Variants in KIRREL3 observed in about 807,000 individuals in gnomAD.
KIRREL3 encodes kin of IRRE-like protein 3.
A neutral mutation model predicts 89.7 loss-of-function variants in KIRREL3; 36 were observed. The ratio of observed to expected loss-of-function variants is 0.40; its 90% CI spans 0.31 to 0.53. The LOEUF (loss-of-function observed/expected upper bound fraction) is 0.53, where lower values mean the gene tolerates loss of function less well. KIRREL3 is among the 20% of genes least tolerant of loss of function. The pLI, the probability that KIRREL3 is intolerant of heterozygous loss-of-function variation, is 0.49. For missense variants in KIRREL3, 864 were observed against 1,056.6 expected, an observed-to-expected ratio of 0.82 and a Z score of 2.53; for synonymous variants, 445 against 441.4, an observed-to-expected ratio of 1.01 and a Z score of -0.10.
chr11:126,838,969 G>T (rs1943867644), intron 1 of KIRREL3, among the ~76,000 whole-genome samples: 1 of 152,160 alleles, frequency 6.6e-6, no homozygotes, highest in South Asian at 2.1e-4. Context: ...TGCTGTGGCT[G>T]GAGAGACCTG....
At chr11:126,680,606 C>T (rs1031498047) in intron 1 of KIRREL3, among the ~76,000 whole-genome samples, 3 of 152,018 alleles carry the variant, frequency 2.0e-5, no homozygotes, top group African/African-American at 4.8e-5. Flanking sequence ...GTTTAAACAT[C>T]CCATGAAGAT....
chr11:126,937,854 G>T (rs1315608304), intron 1 of KIRREL3, among the ~76,000 whole-genome samples: 2 of 152,166 alleles, frequency 1.3e-5, no homozygotes, highest in African/African-American at 4.8e-5. Context: ...AGCAGGAATT[G>T]CACCACTGCA....
At chr11:126,979,825 G>C (rs545495119) in intron 1 of KIRREL3, among the ~76,000 whole-genome samples, 3 of 152,206 alleles carry the variant, frequency 2.0e-5, no homozygotes, top group Non-Finnish European at 4.4e-5. Context: ...GAGGGTGCAA[G>C]GGCTGGACCA....
intron 4 of KIRREL3, among the ~76,000 whole-genome samples, chr11:126,507,038 AAAG>A (rs1369080660): frequency 1.3e-5 from 2 of 152,258 alleles, no homozygotes; most frequent in African/African-American, 4.8e-5. Flanking sequence ...TCAGCAATAA[AAAG>A]AAGTGAACTA....
chr11:126,942,941 T>G (rs1200568529), intron 1 of KIRREL3, among the ~76,000 whole-genome samples: 1 of 152,200 alleles, frequency 6.6e-6, no homozygotes. Context: ...CTCGTTAACA[T>G]GCAGGCAGTA....
At chr11:126,658,154 C>T (rs996728713) in intron 1 of KIRREL3, among the ~76,000 whole-genome samples, 6 of 152,120 alleles carry the variant, frequency 3.9e-5, no homozygotes, top group Non-Finnish European at 8.8e-5. Context: ...AGTGGTAATG[C>T]TTGGAATAAC....
intron 16 of KIRREL3, 55 bp from the exon 17 acceptor site, chr11:126,425,078 G>C: frequency 3.5e-6 from 5 of 1,436,438 alleles, no homozygotes; most frequent in Middle Eastern, 1.8e-4. Context: ...ACTGAGCGTG[G>C]CTGGGGTTTC....
chr11:126,453,566 C>T (rs963033459), intron 7 of KIRREL3, among the ~76,000 whole-genome samples: 1 of 152,208 alleles, frequency 6.6e-6, no homozygotes, highest in Non-Finnish European at 1.5e-5. Flanking sequence ...GGCTTTTCTT[C>T]TTGGATCCCA....
At chr11:126,707,329 A>T (rs1332984718) in intron 1 of KIRREL3, among the ~76,000 whole-genome samples, 1 of 124,618 alleles carries the variant, frequency 8.0e-6, no homozygotes, top group East Asian at 2.3e-4. Flanking sequence ...GTCTGATTTT[A>T]TGGTTTCGTC....
In KIRREL3 at chr11:126,581,420, A is replaced by G. The variant is rs947010210; in HGVS notation, c.56-18508T>C. 4.6e-5 allele frequency among the ~76,000 whole-genome samples: 7 copies of G among 152,200 alleles called. No individual in the cohort carries two copies. The East Asian group carries it at 1.4e-3, about 29-fold the overall frequency. ...TTTCACCTTGTTGACCAGGCTGGTC[A>G]TAAACTCCTGACCTCAGGTGATCTG... On this transcript the variant is annotated intron_variant, in intron 1 of 16. Coordinates refer to ENST00000525144, the MANE Select transcript of KIRREL3 (RefSeq NM_032531.4).
chr11:126,473,510 C>T (rs756541281), intron 4 of KIRREL3, 44 bp from the exon 5 acceptor site: 24 of 1,479,744 alleles, frequency 1.6e-5, no homozygotes, highest in South Asian at 6.9e-5. Context: ...GCTCCCACCT[C>T]GGGCAGGACG....
At position 126,477,129 on chromosome 11, in the gene KIRREL3, C is replaced by T. The variant is rs996042148; in HGVS notation, c.434-3663G>A. ...GAAGCCAGCCTAAGAGGCCACAGCGCGGCCTTAGCCGGGGGTGGCTGAGCG... is the reference window on the plus strand; with the variant it reads ...GAAGCCAGCCTAAGAGGCCACAGCGTGGCCTTAGCCGGGGGTGGCTGAGCG... On this transcript the variant is annotated intron_variant, in intron 4 of 16. Transcript: ENST00000525144. This position sits in a 1 kb window ranked among gnomAD's most constrained non-coding sequence, Gnocchi z 4.8. Among the ~76,000 whole-genome samples the T allele has an allele frequency of 3.9e-5, 6 of 152,228 alleles. No homozygotes were observed. The highest frequency in any genetic ancestry group is 9.6e-5 in the African/African-American group (4 of 41,468).
chr11:126,554,652 C>A (rs1939563974), intron 2 of KIRREL3, among the ~76,000 whole-genome samples: 1 of 152,188 alleles, frequency 6.6e-6, no homozygotes, highest in Non-Finnish European at 1.5e-5. Flanking sequence ...CTCCTGGGAT[C>A]TAATGGAGAC....
rs141483298 is a variant in KIRREL3, at chr11:126,498,651, T to C, written c.433+22664A>G. ...GGAAGGGGCCCGTGACCTGGCACCC[T>C]GTGACGACAAGCAGAGGAGACTCAG... On this transcript the variant is annotated intron_variant, in intron 4 of 16. Transcript: ENST00000525144. The surrounding 1 kb of genome is among the most constrained non-coding windows in gnomAD (Gnocchi z 4.3). Among the ~76,000 whole-genome samples, 35 of 152,290 alleles carry C rather than the reference T, an allele frequency of 2.3e-4. 1 individual carries two copies. In the East Asian group the frequency reaches 6.2e-3, roughly 27 times the overall value.
Position 126,641,140 on chromosome 11 carries a change from T to C in KIRREL3, c.56-78228A>G, listed in dbSNP as rs1663728990. On this transcript the variant is annotated intron_variant, in intron 1 of 16. Coordinates refer to ENST00000525144, the MANE Select transcript of KIRREL3 (RefSeq NM_032531.4). This position sits in a 1 kb window ranked among gnomAD's most constrained non-coding sequence, Gnocchi z 5.0. ...TCAGTGGCAATTTTATCCTTCCAGTTACTCAGACCAGGAAACTTGAAGTGA... is the reference window on the plus strand; with the variant it reads ...TCAGTGGCAATTTTATCCTTCCAGTCACTCAGACCAGGAAACTTGAAGTGA... 6.6e-6 allele frequency among the ~76,000 whole-genome samples: 1 copy of C among 152,216 alleles called. No homozygotes were observed. The highest frequency in any genetic ancestry group is 2.4e-5 in the African/African-American group (1 of 41,446).
In KIRREL3 at chr11:126,565,178, T is replaced by A. The variant is rs994375828; in HGVS notation, c.56-2266A>T. ...GACTGTGACTGAACGCTCAGGCAAATGGAAGGGCGAACAATTCTCTTACAG... is the reference window on the plus strand; with the variant it reads ...GACTGTGACTGAACGCTCAGGCAAAAGGAAGGGCGAACAATTCTCTTACAG... On this transcript the variant is annotated intron_variant, in intron 1 of 16. Transcript: ENST00000525144. The surrounding 1 kb of genome is among the most constrained non-coding windows in gnomAD (Gnocchi z 5.4). 2.0e-5 allele frequency among the ~76,000 whole-genome samples: 3 copies of A among 152,084 alleles called. No individual in the cohort carries two copies. Among genetic ancestry groups the A allele is most frequent in the Non-Finnish European group, 4.4e-5 (3 of 68,022 alleles).
At position 126,918,271 on chromosome 11, in the gene KIRREL3, C is replaced by A. The variant is rs1040671462; in HGVS notation, c.55+82184G>T. Among the ~76,000 whole-genome samples the A allele has an allele frequency of 1.3e-5, 2 of 152,150 alleles. No homozygotes were observed. The highest frequency in any genetic ancestry group is 2.9e-5 in the Non-Finnish European group (2 of 68,026). The stretch of plus-strand genomic sequence containing the variant: ...CAACATCCCCAGATGCTGGGCAGAT[C>A]CAGTGAATTGCAAGTAAGCAAATAA... On this transcript the variant is annotated intron_variant, in intron 1 of 16. Coordinates refer to ENST00000525144, the MANE Select transcript of KIRREL3 (RefSeq NM_032531.4). The surrounding 1 kb of genome is among the most constrained non-coding windows in gnomAD (Gnocchi z 6.5).
rs902169224 is a variant in KIRREL3 at position 126,955,329 on chromosome 11, G to A, written c.55+45126C>T. ...AATCCTTGTTCTGGAGATACTTACA[G>A]CTGCCCGTGGTTTTTAATTAATACA... On this transcript the variant is annotated intron_variant, in intron 1 of 16. Transcript: ENST00000525144. This position sits in a 1 kb window ranked among gnomAD's most constrained non-coding sequence, Gnocchi z 4.6. 6.6e-6 allele frequency among the ~76,000 whole-genome samples: 1 copy of A among 152,224 alleles called. No individual in the cohort carries two copies. Among genetic ancestry groups the A allele is most frequent in the Non-Finnish European group, 1.5e-5 (1 of 68,030 alleles).
intron 1 of KIRREL3, among the ~76,000 whole-genome samples, chr11:126,777,985 C>T (rs1005379576): frequency 6.6e-5 from 10 of 150,866 alleles, no homozygotes; most frequent in African/African-American, 2.4e-4. Context: ...GTTGCAAGGA[C>T]TGGGGACGGC....
Sources: allele counts gnomAD v4.1 joint callset (sites outside exome capture counted in the v4.1 genomes callset), GRCh38; gene constraint gnomAD v4.1.1; non-coding constraint Gnocchi (gnomAD v3.1); transcripts MANE v1.5; gene names NCBI Gene and HGNC (gene_info 2026-07-23, HGNC 2026-07-21).